NSD1: variants seen among roughly 807,000 people sequenced by gnomAD.
NSD1 encodes histone-lysine N-methyltransferase, H3 lysine-36 specific.
Under a neutral mutation model 242.7 loss-of-function variants are expected in NSD1, and 26 were observed. That is an observed-to-expected ratio of 0.11 (90% confidence interval 0.08 to 0.15). The LOEUF is 0.15. Among genes scored for constraint, NSD1 ranks in the 10% least tolerant of loss-of-function variants. NSD1 has a pLI of 1.00. For synonymous variants in NSD1, 1,106 were observed against 1,178.1 expected (o/e 0.94, Z 1.25); for missense variants, 2,495 against 3,272.8 (o/e 0.76, Z 5.80).
chr5:177,185,685 ATTTG>A (rs1489923395), intron 2 of NSD1, among the ~76,000 whole-genome samples: 1 of 119,896 alleles, frequency 8.3e-6, no homozygotes, highest in Non-Finnish European at 1.6e-5. Context: ...TATAATATAT[ATTTG>A]TTTTTTATTA....
At chr5:177,219,602 T>C (rs550745471) in intron 5 of NSD1, among the ~76,000 whole-genome samples, 1 of 152,352 alleles carries the variant, frequency 6.6e-6, no homozygotes, top group South Asian at 2.1e-4. Context: ...GTACTGATAC[T>C]GATTTCTAGT....
At chr5:177,178,943 A>G (rs962387129) in intron 2 of NSD1, among the ~76,000 whole-genome samples, 1 of 152,214 alleles carries the variant, frequency 6.6e-6, no homozygotes, top group African/African-American at 2.4e-5. Context: ...AAGGGGATCC[A>G]GAGCCTTAAG....
intron 5 of NSD1, chr5:177,229,753 T>TA: frequency 2.4e-6 from 1 of 413,908 alleles, no homozygotes; most frequent in Non-Finnish European, 4.8e-6. Flanking sequence ...TGTATTTTTT[T>TA]ATTTTTTTGA....
intron 2 of NSD1, among the ~76,000 whole-genome samples, chr5:177,181,621 T>G (rs1760697566): frequency 6.6e-6 from 1 of 151,282 alleles, no homozygotes; most frequent in African/African-American, 2.4e-5. Context: ...GAGATGAGGT[T>G]TTGCCATGTT....
Position 177,289,047 on chromosome 5 carries a change from T to C in NSD1, c.6258+122T>C, listed in dbSNP as rs1759563714. The C allele has an allele frequency of 7.9e-6, 6 of 759,588 alleles. No homozygotes were observed. The South Asian group carries it at 8.6e-5, about 11-fold the overall frequency. The allele number at this position is 759,588 out of a possible 1,614,324, so 47.1% of individuals were successfully genotyped here. A position where few individuals can be genotyped will look rare whatever the true frequency, so the allele number is the denominator to read the frequency against. ...GAAATTAATGACATTCAGCCAGGCA[T>C]GGTGGCTCATGCCTGTAATCCCAGC... On this transcript the variant is annotated intron_variant, in intron 21 of 22. Coordinates refer to ENST00000439151, the MANE Select transcript of NSD1 (RefSeq NM_022455.5).
chr5:177,202,402 CAG>C (rs991796203), intron 3 of NSD1, among the ~76,000 whole-genome samples: 11 of 151,932 alleles, frequency 7.2e-5, no homozygotes, highest in South Asian at 2.1e-4. Flanking sequence ...ATTTCTAAGA[CAG>C]GGGCTTGCTG....
intron 8 of NSD1, among the ~76,000 whole-genome samples, chr5:177,243,619 A>G (rs1287423460): frequency 1.3e-5 from 2 of 152,152 alleles, no homozygotes; most frequent in East Asian, 1.9e-4. Context: ...TATCTAGTCT[A>G]TATGTTGGAA....
chr5:177,293,424 CTCTT>C (rs928935771), intron 22 of NSD1, among the ~76,000 whole-genome samples: 1 of 151,984 alleles, frequency 6.6e-6, no homozygotes, highest in African/African-American at 2.4e-5. Context: ...CAGGATATTT[CTCTT>C]TGAGTTGCTT....
chr5:177,234,826 T>C lies in NSD1; in HGVS notation c.3797-995T>C, dbSNP rs555369518. Among the ~76,000 whole-genome samples, 148 of 152,304 alleles carry C rather than the reference T, an allele frequency of 9.7e-4. 1 individual carries two copies. The South Asian group carries it at 0.012, about 12-fold the overall frequency. ...AAAAGCTATCCCACAGAATGCCTCTTCATTCCTAGAGGACTTCCTGGTTCC... is the reference window on the plus strand; with the variant it reads ...AAAAGCTATCCCACAGAATGCCTCTCCATTCCTAGAGGACTTCCTGGTTCC... On this transcript the variant is annotated intron_variant, in intron 5 of 22. Coordinates refer to ENST00000439151, the MANE Select transcript of NSD1 (RefSeq NM_022455.5).
intron 2 of NSD1, among the ~76,000 whole-genome samples, chr5:177,173,143 T>A (rs188107357): frequency 0.018 from 2,760 of 151,218 alleles, 33 homozygotes; most frequent in Non-Finnish European, 0.028. Context: ...ATACAAAAAA[T>A]TAGCCGGGCG....
intron 6 of NSD1, among the ~76,000 whole-genome samples, chr5:177,237,759 T>C (rs892310430): frequency 6.6e-6 from 1 of 152,054 alleles, no homozygotes; most frequent in African/African-American, 2.4e-5. Flanking sequence ...GGTCTTGATC[T>C]CCTGACCTCG....
intron 2 of NSD1, among the ~76,000 whole-genome samples, chr5:177,146,991 A>G (rs1380909210): frequency 7.0e-6 from 1 of 142,616 alleles, no homozygotes; most frequent in Admixed American, 7.2e-5. Context: ...TGGGTGACAG[A>G]GTATGTCTCT....
chr5:177,196,333 G>T (rs145728209), intron 3 of NSD1, among the ~76,000 whole-genome samples: 1 of 152,346 alleles, frequency 6.6e-6, no homozygotes, highest in Non-Finnish European at 1.5e-5. Context: ...AAAGTTCACT[G>T]TGGCTGGATT....
At chr5:177,228,080 C>T (rs1031179926) in intron 5 of NSD1, among the ~76,000 whole-genome samples, 25 of 151,850 alleles carry the variant, frequency 1.6e-4, no homozygotes, top group African/African-American at 5.8e-4. Flanking sequence ...TTACTCTGTA[C>T]AGTAGTCTCC....
chr5:177,206,560 A>C (rs1223706501), intron 4 of NSD1, among the ~76,000 whole-genome samples: 2 of 152,234 alleles, frequency 1.3e-5, no homozygotes, highest in Non-Finnish European at 2.9e-5. Context: ...CTAGTACAAT[A>C]ACTTACACCC....
At chr5:177,169,913 A>G (rs1474609712) in intron 2 of NSD1, among the ~76,000 whole-genome samples, 1 of 151,676 alleles carries the variant, frequency 6.6e-6, no homozygotes, top group Non-Finnish European at 1.5e-5. Context: ...AGATTTTTAA[A>G]ATGTTTTTTC....
intron 6 of NSD1, among the ~76,000 whole-genome samples, chr5:177,236,462 T>C (rs943642827): frequency 2.0e-5 from 3 of 152,240 alleles, no homozygotes; most frequent in African/African-American, 7.2e-5. Context: ...ATTTCATCAA[T>C]TATCCCCTAA....
At chr5:177,161,689 T>G (rs1026989362) in intron 2 of NSD1, among the ~76,000 whole-genome samples, 1 of 148,060 alleles carries the variant, frequency 6.8e-6, no homozygotes, top group Admixed American at 6.6e-5. Flanking sequence ...TCTTTTTTTT[T>G]TTTTTTGTTT....
Position 177,280,817 on chromosome 5 carries a change from A to G in NSD1, c.5875A>G (p.Lys1959Glu). ...ACAGCGGGGTTGGGGTCTACGGACA[A>G]AAACAGATATTAAAAAGGTTAGAAA... ...TLQRGWGLRT[K>E]TDIKKGEFVN... The change falls in exon 18 of 23, where the codon AAA (lysine) becomes GAA (glutamate). Residue 1959 changes from lysine (K) to glutamate (E), a missense_variant. Physicochemically the swap from Lys to Glu is moderately conservative, Grantham distance 56 (BLOSUM62 1). Around this residue, in one of 19 missense-constraint regions of NSD1, gnomAD observed 114 missense variants for 247.4 expected, o/e 0.46. Coordinates refer to ENST00000439151, the MANE Select transcript of NSD1 (RefSeq NM_022455.5). The G allele has an allele frequency of 6.2e-7, 1 of 1,614,284 alleles. No individual in the cohort carries two copies. Among genetic ancestry groups the G allele is most frequent in the Non-Finnish European group, 8.5e-7 (1 of 1,180,062 alleles).
Sources: gnomAD v4.1 joint callset for allele counts (sites outside exome capture counted in the v4.1 genomes callset) on GRCh38, gnomAD v4.1.1 for gene constraint, gnomAD v4.1.1 regional missense constraint, MANE v1.5 for transcripts, NCBI Gene and HGNC (gene_info 2026-07-23, HGNC 2026-07-21) for gene names.